The following WDR27 variants were observed in gnomAD, a reference collection of about 807,000 sequenced individuals.
WDR27 encodes the protein WD repeat-containing protein 27.
Under a neutral mutation model 114.4 loss-of-function variants are expected in WDR27, and 100 were observed. The ratio of observed to expected loss-of-function variants is 0.87; its 90% CI spans 0.74 to 1.03. WDR27 has a LOEUF of 1.03. WDR27 is among the 50% of genes least tolerant of loss of function. WDR27 has a pLI of 0.00. For synonymous variants in WDR27, 449 were observed against 423.1 expected (o/e 1.06, Z -0.75); for missense variants, 1,129 against 1,092.9 (o/e 1.03, Z -0.47).
rs571399395 is a variant in WDR27, at chr6:169,542,607, A to G, written c.2645+29812T>C. 2.0e-5 allele frequency among the ~76,000 whole-genome samples: 3 copies of G among 152,246 alleles called. No individual in the cohort carries two copies. The East Asian group carries it at 5.8e-4, about 29-fold the overall frequency. Reference sequence around the variant, plus strand: ...AATGTTAAAATTGGAAGTGAACTGTAGAGTAGATAAATAGATAATAGTCTT... The same window carrying G: ...AATGTTAAAATTGGAAGTGAACTGTGGAGTAGATAAATAGATAATAGTCTT... On this transcript the variant is annotated intron_variant, in intron 25 of 25. Coordinates refer to ENST00000448612, the MANE Select transcript of WDR27 (RefSeq NM_182552.5).
Position 169,700,191 on chromosome 6 carries a change from T to C in WDR27, c.-8+1360A>G, listed in dbSNP as rs377467714. ...GCATTTTAGTGGGGAGAGCAACTAG[T>C]TTGTCTTCTTAGTCCATAGGGCTCT... On this transcript the variant is annotated intron_variant, in intron 1 of 25. Transcript: ENST00000448612. 6.6e-5 allele frequency among the ~76,000 whole-genome samples: 10 copies of C among 152,244 alleles called. No individual in the cohort carries two copies. The East Asian group carries it at 1.9e-3, about 29-fold the overall frequency.
At chr6:169,484,534 A>G (rs1373943865) in intron 25 of WDR27, among the ~76,000 whole-genome samples, 3 of 152,240 alleles carry the variant, frequency 2.0e-5, no homozygotes, top group Non-Finnish European at 4.4e-5. Context: ...AAACAAACGA[A>G]TGAAAAAACA....
chr6:169,475,339 C>T (rs1470274353), intron 25 of WDR27, among the ~76,000 whole-genome samples: 2 of 152,226 alleles, frequency 1.3e-5, no homozygotes, highest in East Asian at 3.9e-4. Context: ...TCTCCTGCCT[C>T]AGCCTCCCAA....
intron 2 of WDR27, among the ~76,000 whole-genome samples, chr6:169,685,907 T>C (rs1160092800): frequency 6.6e-6 from 1 of 152,168 alleles, no homozygotes; most frequent in African/African-American, 2.4e-5. Flanking sequence ...TACATTATAG[T>C]CAAATTGTCA....
At chr6:169,625,319 T>C (rs1257787250) in intron 21 of WDR27, among the ~76,000 whole-genome samples, 1 of 152,092 alleles carries the variant, frequency 6.6e-6, no homozygotes, top group Non-Finnish European at 1.5e-5. Context: ...GGAGAGAGGA[T>C]TAATTCCACG....
intron 23 of WDR27, among the ~76,000 whole-genome samples, chr6:169,585,187 A>G (rs891022571): frequency 1.3e-5 from 2 of 152,210 alleles, no homozygotes; most frequent in Non-Finnish European, 2.9e-5. Context: ...AAAATCATAA[A>G]ACTCCTAGAA....
At chr6:169,447,479 C>T in the WDR27 span, among the ~76,000 whole-genome samples, 2 of 152,060 alleles carry the variant, frequency 1.3e-5, no homozygotes, top group Non-Finnish European at 2.9e-5. Flanking sequence ...AAAGCAATAA[C>T]GACTTGGATT....
intron 25 of WDR27, among the ~76,000 whole-genome samples, chr6:169,520,208 T>A (rs776581694): frequency 1.8e-4 from 28 of 152,098 alleles, no homozygotes; most frequent in Non-Finnish European, 3.7e-4. Context: ...CCCCAGGGCA[T>A]GAACCCATAG....
chr6:169,502,475 G>C (rs1050415318), intron 25 of WDR27, among the ~76,000 whole-genome samples: 2 of 152,154 alleles, frequency 1.3e-5, no homozygotes, highest in African/African-American at 4.8e-5. Context: ...TATTCTTCCG[G>C]GTCTGTAGGT....
At chr6:169,648,878 G>A (rs1017322945) in intron 15 of WDR27, among the ~76,000 whole-genome samples, 2 of 152,190 alleles carry the variant, frequency 1.3e-5, no homozygotes, top group African/African-American at 4.8e-5. Flanking sequence ...GCACTACAAC[G>A]GCCCCAACAT....
chr6:169,645,023 T>TAAA (rs776362942), intron 16 of WDR27, among the ~76,000 whole-genome samples: 2 of 46,980 alleles, frequency 4.3e-5, no homozygotes, highest in Non-Finnish European at 7.8e-5. Flanking sequence ...AAAAAAAAAA[T>TAAA]AAAAAAAAAA....
At chr6:169,510,651 A>C in intron 25 of WDR27, among the ~76,000 whole-genome samples, 1 of 147,488 alleles carries the variant, frequency 6.8e-6, no homozygotes, top group East Asian at 2.1e-4. Context: ...GGAGGGGGGA[A>C]GGATAGCATT....
intron 25 of WDR27, among the ~76,000 whole-genome samples, chr6:169,511,626 C>T (rs1792890314): frequency 6.6e-6 from 1 of 152,044 alleles, no homozygotes; most frequent in Non-Finnish European, 1.5e-5. Context: ...TCTCTAAGTA[C>T]ATACATAATA....
At chr6:169,566,493 C>T (rs1459947099) in intron 25 of WDR27, among the ~76,000 whole-genome samples, 4 of 152,248 alleles carry the variant, frequency 2.6e-5, no homozygotes, top group African/African-American at 9.6e-5. Context: ...AAAATGACAA[C>T]TCAAACTATG....
In WDR27 at chr6:169,597,877, TACACACACAC is replaced by T. The variant is rs67336814; in HGVS notation, c.2424+4332_2424+4341del. Among the ~76,000 whole-genome samples the T allele has an allele frequency of 2.2e-3, 308 of 142,288 alleles. 2 individuals are homozygous for T. The highest frequency in any genetic ancestry group is 6.3e-3 in the African/African-American group (243 of 38,440). The allele number at this position is 142,288 out of a possible 152,430, so 93.3% of individuals were successfully genotyped here. ...GCACAACTTCACCTCTTACCATTCA[TACACACACAC>T]ACACACACACACACACACACACACA... On this transcript the variant is annotated intron_variant, in intron 23 of 25. Coordinates refer to ENST00000448612, the MANE Select transcript of WDR27 (RefSeq NM_182552.5).
rs543050123 is a variant in WDR27 at position 169,616,037 on chromosome 6, G to GA, written c.2224-2382dup. ...AGGAGGCAAGATTATATAAGCACTA[G>GA]AAAAAAAAACAGATATAAGGTAAAG... On this transcript the variant is annotated intron_variant, in intron 21 of 25. Transcript: ENST00000448612. Among the ~76,000 whole-genome samples, 139 of 146,118 alleles carry GA rather than the reference G, an allele frequency of 9.5e-4. 1 individual carries two copies. Among genetic ancestry groups the GA allele is most frequent in the African/African-American group, 3.3e-3 (131 of 40,000 alleles).
chr6:169,658,126 C>A lies in WDR27; in HGVS notation c.1402+150G>T, dbSNP rs184595345. The A allele has an allele frequency of 5.5e-5, 36 of 653,760 alleles. No individual in the cohort carries two copies. The East Asian group carries it at 8.2e-4, about 15-fold the overall frequency. The allele number at this position is 653,760 out of a possible 1,614,324, so 40.5% of individuals were successfully genotyped here. A position where few individuals can be genotyped will look rare whatever the true frequency, so the allele number is the denominator to read the frequency against. ...CACCACAGCGGACATGGAACACGCA[C>A]GAGAGGCAGAGACATGAAGGACAGA... On this transcript the variant is annotated intron_variant, in intron 13 of 25. Coordinates refer to ENST00000448612, the MANE Select transcript of WDR27 (RefSeq NM_182552.5).
chr6:169,450,701 G>T, the WDR27 span, among the ~76,000 whole-genome samples: 1 of 152,160 alleles, frequency 6.6e-6, no homozygotes, highest in Admixed American at 6.5e-5. Flanking sequence ...TGAGTCTAGA[G>T]ACTTCATAGA....
At chr6:169,580,526 G>A (rs918577779) in intron 24 of WDR27, among the ~76,000 whole-genome samples, 3 of 152,018 alleles carry the variant, frequency 2.0e-5, no homozygotes, top group Non-Finnish European at 4.4e-5. Context: ...GAAGATTTTC[G>A]GTGTCCTGTC....
Sources: allele counts gnomAD v4.1 joint callset (sites outside exome capture counted in the v4.1 genomes callset), GRCh38; gene constraint gnomAD v4.1.1; transcripts MANE v1.5; gene names NCBI Gene and HGNC (gene_info 2026-07-23, HGNC 2026-07-21).